The following ITGB3 variants were observed in gnomAD, a reference collection of about 807,000 sequenced individuals.
The protein encoded by ITGB3 is integrin beta-3.
Under a neutral mutation model 85.8 loss-of-function variants are expected in ITGB3, and 48 were observed. The observed-to-expected ratio is 0.56, with a 90% CI of 0.44 to 0.71. The LOEUF (loss-of-function observed/expected upper bound fraction) is 0.71. ITGB3 is among the 30% of genes least tolerant of loss of function. The pLI is 0.00. For synonymous variants in ITGB3, 363 were observed against 395.6 expected (o/e 0.92, Z 0.98); for missense variants, 861 against 1,019.1 (o/e 0.84, Z 2.11).
intron 14 of ITGB3, among the ~76,000 whole-genome samples, chr17:47,308,187 T>TAATAATAATAATAATAATAAA (rs1438857616): frequency 1.1e-4 from 16 of 148,016 alleles, no homozygotes; most frequent in African/African-American, 3.5e-4. Flanking sequence ...ATAATAATAA[T>TAATAATAATAATAATAATAAA]AAAATAAAAT....
chr17:47,302,953 G>C, intron 13 of ITGB3, 113 bp downstream of exon 13: 2 of 1,291,088 alleles, frequency 1.5e-6, no homozygotes, highest in Non-Finnish European at 2.2e-6. Flanking sequence ...AAGCCTGCAA[G>C]TGATAAGTTA....
chr17:47,267,410 C>T (rs1204501167), intron 1 of ITGB3, among the ~76,000 whole-genome samples: 1 of 152,166 alleles, frequency 6.6e-6, no homozygotes, highest in African/African-American at 2.4e-5. Flanking sequence ...AAACTCCTTC[C>T]ACACGTTCAG....
chr17:47,266,416 A>C (rs2065025908), intron 1 of ITGB3, among the ~76,000 whole-genome samples: 1 of 152,074 alleles, frequency 6.6e-6, no homozygotes, highest in Non-Finnish European at 1.5e-5. Flanking sequence ...TATGACTTCC[A>C]CTGGATCCAA....
intron 14 of ITGB3, 152 bp downstream of exon 14, chr17:47,307,789 CT>C: frequency 1.3e-6 from 1 of 772,112 alleles, no homozygotes; most frequent in Non-Finnish European, 2.2e-6. Context: ...TCACTATCCC[CT>C]TGTCCTTCAG....
intron 6 of ITGB3, among the ~76,000 whole-genome samples, chr17:47,289,466 G>A (rs373023169): frequency 4.3e-4 from 65 of 152,096 alleles, no homozygotes; most frequent in African/African-American, 1.5e-3. Flanking sequence ...AGGACTATAG[G>A]CACTTACCAC....
intron 2 of ITGB3, among the ~76,000 whole-genome samples, chr17:47,282,644 C>A (rs2065087960): frequency 6.6e-6 from 1 of 152,134 alleles, no homozygotes; most frequent in Admixed American, 6.5e-5. Context: ...AGTCCTAGGT[C>A]GGATGCTGGG....
chr17:47,271,646 A>G (rs2065044373), intron 1 of ITGB3, among the ~76,000 whole-genome samples: 1 of 152,230 alleles, frequency 6.6e-6, no homozygotes, highest in East Asian at 1.9e-4. Context: ...TTTACCTTGC[A>G]CACCACAATA....
chr17:47,274,601 A>G, intron 2 of ITGB3, 97 bp downstream of exon 2: 2 of 1,007,890 alleles, frequency 2.0e-6, no homozygotes, highest in South Asian at 1.3e-5. Flanking sequence ...TTGAATACAC[A>G]TGCCCCTTAT....
At position 47,270,201 on chromosome 17, in the gene ITGB3, A is replaced by T. The variant is rs1247881651; in HGVS notation, c.80-4218A>T. Among the ~76,000 whole-genome samples the T allele has an allele frequency of 3.3e-5, 5 of 152,182 alleles. No individual in the cohort carries two copies. In the East Asian group the frequency reaches 9.7e-4, roughly 29 times the overall value. ...GAGTTTTGGGTGGAGACACAGCCAA[A>T]CCATAGCAGTGCTCATATCTCCCAT... On this transcript the variant is annotated intron_variant, in intron 1 of 14. Transcript: ENST00000559488.
chr17:47,291,334 C>G lies in ITGB3; in HGVS notation c.1260+246C>G, dbSNP rs1439208234. 6.6e-6 allele frequency: 4 copies of G among 604,708 alleles called. No individual in the cohort carries two copies. The South Asian group carries it at 8.1e-5, about 12-fold the overall frequency. The allele number at this position is 604,708 out of a possible 1,614,324, so 37.5% of individuals were successfully genotyped here. A position where few individuals can be genotyped will look rare whatever the true frequency, so the allele number is the denominator to read the frequency against. Reference sequence around the variant, plus strand: ...CACTCTCAGGAATTTGAAAAACTTACAATTTGGTTACCTTTGTTTGTGTAT... The same window carrying G: ...CACTCTCAGGAATTTGAAAAACTTAGAATTTGGTTACCTTTGTTTGTGTAT... On this transcript the variant is annotated intron_variant, in intron 9 of 14. Transcript: ENST00000559488.
rs529805827 is a variant in ITGB3, at chr17:47,289,388, C to T, written c.940-293C>T. On this transcript the variant is annotated intron_variant, in intron 6 of 14. Transcript: ENST00000559488. ...CTGCCCAGGCTGGAGTGCAGTGGTGCAATCATAGCTCACTGTAACCTCCAA... is the reference window on the plus strand; with the variant it reads ...CTGCCCAGGCTGGAGTGCAGTGGTGTAATCATAGCTCACTGTAACCTCCAA... Among the ~76,000 whole-genome samples the T allele has an allele frequency of 2.6e-5, 4 of 151,982 alleles. No homozygotes were observed. In the South Asian group the frequency reaches 8.3e-4, roughly 32 times the overall value.
At chr17:47,260,190 G>C (rs1484937010) in intron 1 of ITGB3, among the ~76,000 whole-genome samples, 1 of 152,118 alleles carries the variant, frequency 6.6e-6, no homozygotes, top group Non-Finnish European at 1.5e-5. Flanking sequence ...ACCTACATTC[G>C]ATTCACAGTT....
chr17:47,279,518 G>A (rs1210093055), intron 2 of ITGB3: 1 of 152,212 alleles, frequency 6.6e-6, no homozygotes, highest in Non-Finnish European at 1.5e-5. Context: ...GGGAGGGAGG[G>A]AGGCAGTTTT....
At chr17:47,308,160 A>AAATAAAAATAATAATAATAATAAT (rs1555574005) in intron 14 of ITGB3, among the ~76,000 whole-genome samples, 1 of 138,546 alleles carries the variant, frequency 7.2e-6, no homozygotes, top group African/African-American at 2.8e-5. Context: ...TCGGTCTCAA[A>AAATAAAAATAATAATAATAATAAT]AATAATAATA....
intron 7 of ITGB3, 90 bp from the exon 8 acceptor site, chr17:47,290,095 T>C (rs1299090475): frequency 2.1e-6 from 2 of 939,718 alleles, no homozygotes; most frequent in East Asian, 2.4e-5. Flanking sequence ...CCAATCTTCA[T>C]CTCAGGACTC....
At chr17:47,260,739 C>G (rs1193203117) in intron 1 of ITGB3, among the ~76,000 whole-genome samples, 1 of 151,754 alleles carries the variant, frequency 6.6e-6, no homozygotes, top group Admixed American at 6.6e-5. Context: ...GAGAACAGAC[C>G]ATGCTGCCCT....
At chr17:47,300,209 T>C (rs1352294501) in intron 11 of ITGB3, among the ~76,000 whole-genome samples, 1 of 152,214 alleles carries the variant, frequency 6.6e-6, no homozygotes, top group Non-Finnish European at 1.5e-5. Context: ...CAGCCCTGGA[T>C]GGGACGGGAA....
At chr17:47,255,502 A>G (rs1035153989) in intron 1 of ITGB3, among the ~76,000 whole-genome samples, 1 of 151,072 alleles carries the variant, frequency 6.6e-6, no homozygotes, top group African/African-American at 2.4e-5. Flanking sequence ...GCTCACTGCA[A>G]CCTCCGCTTC....
intron 2 of ITGB3, among the ~76,000 whole-genome samples, chr17:47,280,519 G>T (rs2065080135): frequency 6.6e-6 from 1 of 152,194 alleles, no homozygotes; most frequent in South Asian, 2.1e-4. Context: ...ACCATGCCCA[G>T]ATAATTTTTG....
Sources: allele counts gnomAD v4.1 joint callset (sites outside exome capture counted in the v4.1 genomes callset), GRCh38; gene constraint gnomAD v4.1.1; transcripts MANE v1.5; gene names NCBI Gene and HGNC (gene_info 2026-07-23, HGNC 2026-07-21).